The following KCNMB2 variants were observed in gnomAD, a reference collection of about 807,000 sequenced individuals.
KCNMB2 encodes calcium-activated potassium channel subunit beta-2.
Under a neutral mutation model 24.5 loss-of-function variants are expected in KCNMB2, and 9 were observed. The ratio of observed to expected loss-of-function variants is 0.37; its 90% CI spans 0.22 to 0.64. The LOEUF is 0.64. Ranked by LOEUF, KCNMB2 falls within the 30% of genes least tolerant of loss-of-function variation. KCNMB2 has a pLI of 0.63. For synonymous variants in KCNMB2, 109 were observed against 104.4 expected (o/e 1.04, Z -0.27); for missense variants, 226 against 284.3 (o/e 0.79, Z 1.47).
chr3:178,559,424 T>C (rs1716236556), intron 1 of KCNMB2, among the ~76,000 whole-genome samples: 1 of 152,018 alleles, frequency 6.6e-6, no homozygotes, highest in Admixed American at 6.6e-5. Flanking sequence ...TATGAGAATT[T>C]TCTTGTATTT....
chr3:178,770,123 A>C (rs935555088), intron 1 of KCNMB2, among the ~76,000 whole-genome samples: 1 of 152,218 alleles, frequency 6.6e-6, no homozygotes, highest in African/African-American at 2.4e-5. Context: ...TTTCTGCATA[A>C]TTTATAGCTC....
At chr3:178,783,172 C>G (rs1281318133) in intron 1 of KCNMB2, among the ~76,000 whole-genome samples, 3 of 152,110 alleles carry the variant, frequency 2.0e-5, no homozygotes, top group Non-Finnish European at 4.4e-5. Flanking sequence ...GGTACCAGTA[C>G]CATGCTGTTT....
intron 1 of KCNMB2, among the ~76,000 whole-genome samples, chr3:178,751,290 A>G (rs996062420): frequency 2.0e-5 from 3 of 152,166 alleles, no homozygotes; most frequent in Non-Finnish European, 2.9e-5. Flanking sequence ...CAAAATTAAA[A>G]GCAATTACAG....
intron 1 of KCNMB2, among the ~76,000 whole-genome samples, chr3:178,746,404 TA>T (rs1723669655): frequency 1.3e-5 from 2 of 152,002 alleles, no homozygotes; most frequent in Admixed American, 1.3e-4. Flanking sequence ...CCCAGTCCAC[TA>T]AACCATATTT....
At chr3:178,775,524 C>T (rs865877316) in intron 1 of KCNMB2, among the ~76,000 whole-genome samples, 3 of 152,100 alleles carry the variant, frequency 2.0e-5, no homozygotes, top group Non-Finnish European at 4.4e-5. Flanking sequence ...TGGATTTTCA[C>T]GCTAAAAATA....
intron 4 of KCNMB2, among the ~76,000 whole-genome samples, chr3:178,835,392 C>T (rs924506548): frequency 2.0e-4 from 30 of 152,134 alleles, no homozygotes; most frequent in Non-Finnish European, 4.3e-4. Context: ...CAGTAAAGAG[C>T]ATGAAGTCTC....
chr3:178,618,124 C>T (rs1261201419), intron 1 of KCNMB2, among the ~76,000 whole-genome samples: 1 of 151,976 alleles, frequency 6.6e-6, no homozygotes, highest in African/African-American at 2.4e-5. Context: ...GGGAAAAGAA[C>T]TTCAACCAAT....
intron 1 of KCNMB2, among the ~76,000 whole-genome samples, chr3:178,696,851 T>TTACCAAACTAC (rs1553768139): frequency 6.6e-6 from 1 of 151,698 alleles, no homozygotes. Flanking sequence ...GTAAATTACT[T>TTACCAAACTAC]TTACCAAATA....
chr3:178,748,427 A>G (rs1723739750), intron 1 of KCNMB2: 1 of 152,186 alleles, frequency 6.6e-6, no homozygotes, highest in Non-Finnish European at 1.5e-5. Context: ...TTATCAGCTC[A>G]CATAGTCAGA....
intron 1 of KCNMB2, among the ~76,000 whole-genome samples, chr3:178,756,434 TTGTTTTATGTG>T (rs1360667943): frequency 5.9e-5 from 9 of 152,264 alleles, no homozygotes; most frequent in South Asian, 4.1e-4. Context: ...AAACAAAACC[TTGTTTTATGTG>T]TGTTTTATGT....
At chr3:178,648,279 T>G (rs1026473960) in intron 1 of KCNMB2, among the ~76,000 whole-genome samples, 7 of 152,244 alleles carry the variant, frequency 4.6e-5, no homozygotes, top group Admixed American at 4.6e-4. Context: ...GGCTCACGCA[T>G]GTAATCCCAA....
At chr3:178,703,919 A>G (rs1577111313) in intron 1 of KCNMB2, among the ~76,000 whole-genome samples, 2 of 152,208 alleles carry the variant, frequency 1.3e-5, no homozygotes, top group East Asian at 3.9e-4. Context: ...ATAAAGTAAC[A>G]CAATTCCCAG....
Position 178,548,150 on chromosome 3 carries a change from G to C in KCNMB2, c.-68+11439G>C, listed in dbSNP as rs1201257118. ...CTCTACCCTCATATTTTTCAAAGTG[G>C]TAGTTATTGAATCACCTGCACAAGA... On this transcript the variant is annotated intron_variant, in intron 1 of 4. Transcript: ENST00000452583. 2.0e-5 allele frequency among the ~76,000 whole-genome samples: 3 copies of C among 152,228 alleles called. No homozygotes were observed. In the East Asian group the frequency reaches 5.8e-4, roughly 29 times the overall value.
intron 1 of KCNMB2, among the ~76,000 whole-genome samples, chr3:178,644,769 G>A (rs966485268): frequency 9.9e-5 from 15 of 152,150 alleles, no homozygotes; most frequent in African/African-American, 2.9e-4. Context: ...TAGCGAACTT[G>A]GAGTCACACA....
intron 1 of KCNMB2, among the ~76,000 whole-genome samples, chr3:178,664,765 G>A (rs751970435): frequency 8.6e-5 from 13 of 151,954 alleles, no homozygotes; most frequent in South Asian, 8.3e-4. Flanking sequence ...TCATTTTCAC[G>A]TAAATAATGG....
At chr3:178,681,809 C>T (rs910297545) in intron 1 of KCNMB2, among the ~76,000 whole-genome samples, 7 of 152,120 alleles carry the variant, frequency 4.6e-5, no homozygotes, top group Non-Finnish European at 1.0e-4. Flanking sequence ...TACCATCCTG[C>T]CTGGCACTAT....
intron 1 of KCNMB2, among the ~76,000 whole-genome samples, chr3:178,609,496 G>A (rs1718402157): frequency 6.6e-6 from 1 of 151,590 alleles, no homozygotes; most frequent in South Asian, 2.1e-4. Flanking sequence ...GATCCGATTT[G>A]TCCATTTTTT....
chr3:178,784,971 A>G (rs890695748), intron 1 of KCNMB2, among the ~76,000 whole-genome samples: 9 of 151,878 alleles, frequency 5.9e-5, no homozygotes, highest in African/African-American at 2.2e-4. Context: ...AAATGCTAAT[A>G]TTCAATGATT....
chr3:178,548,771 C>T (rs1222853467), intron 1 of KCNMB2, among the ~76,000 whole-genome samples: 2 of 152,186 alleles, frequency 1.3e-5, no homozygotes, highest in African/African-American at 4.8e-5. Context: ...CCTTTTGGTA[C>T]TTGCTTGTAA....
Sources: allele counts gnomAD v4.1 joint callset (sites outside exome capture counted in the v4.1 genomes callset), GRCh38; gene constraint gnomAD v4.1.1; transcripts MANE v1.5; gene names NCBI Gene and HGNC (gene_info 2026-07-23, HGNC 2026-07-21).